TRIB2: variants seen among roughly 807,000 people sequenced by gnomAD.
The protein encoded by TRIB2 is tribbles pseudokinase 2.
A neutral mutation model predicts 26.8 loss-of-function variants in TRIB2; 2 were observed. The ratio of observed to expected loss-of-function variants is 0.07; its 90% CI spans 0.03 to 0.24. The LOEUF is 0.24. Among genes scored for constraint, TRIB2 ranks in the 10% least tolerant of loss-of-function variants. The pLI, the probability that TRIB2 is intolerant of heterozygous loss-of-function variation, is 1.00. For missense variants in TRIB2, 306 were observed against 449.0 expected, an observed-to-expected ratio of 0.68 and a Z score of 2.88; for synonymous variants, 189 against 187.3, an observed-to-expected ratio of 1.01 and a Z score of -0.08.
intron 2 of TRIB2, among the ~76,000 whole-genome samples, chr2:12,729,903 A>G (rs1211324459): frequency 2.0e-5 from 3 of 152,234 alleles, no homozygotes; most frequent in Non-Finnish European, 2.9e-5. Context: ...TAATATGTTA[A>G]GTGCCCAGCA....
intron 2 of TRIB2, among the ~76,000 whole-genome samples, chr2:12,726,487 C>G (rs1263281112): frequency 1.3e-5 from 2 of 152,166 alleles, no homozygotes; most frequent in Non-Finnish European, 2.9e-5. Context: ...CTCATTGGCT[C>G]CATGCTTGCT....
chr2:12,719,193 T>C (rs1217853349), intron 1 of TRIB2, among the ~76,000 whole-genome samples: 1 of 152,060 alleles, frequency 6.6e-6, no homozygotes, highest in Non-Finnish European at 1.5e-5. Flanking sequence ...GAATAGTGAA[T>C]GCTTTGGGTC....
At position 12,723,350 on chromosome 2, in the gene TRIB2, C is replaced by G. The variant is rs765380707; in HGVS notation, c.361C>G (p.Leu121Val). Reference sequence around the variant, plus strand: ...CATCAACCAAATCACTGAAATTATCCTGGGTGAGACCAAAGCCTATGTGTT... The same window carrying G: ...CATCAACCAAATCACTGAAATTATCGTGGGTGAGACCAAAGCCTATGTGTT... ...SNINQITEII[L>V]GETKAYVFFE... The change falls in exon 2 of 3, where the codon CTG becomes GTG. Residue 121 changes from leucine (L) to valine (V), a missense_variant. By Grantham distance (32) the Leu-to-Val change is conservative (BLOSUM62 1). This residue lies in a region of TRIB2 where 118 missense variants were observed against 188.8 expected (regional missense o/e 0.63). Coordinates refer to ENST00000155926, the MANE Select transcript of TRIB2 (RefSeq NM_021643.4). 26 of 1,614,114 alleles carry G rather than the reference C, an allele frequency of 1.6e-5. No homozygotes were observed. The highest frequency in any genetic ancestry group is 1.6e-4 in the Middle Eastern group (1 of 6,084).
At chr2:12,734,387 G>C (rs1661524478) in intron 2 of TRIB2, among the ~76,000 whole-genome samples, 1 of 152,086 alleles carries the variant, frequency 6.6e-6, no homozygotes, top group African/African-American at 2.4e-5. Context: ...GACTGGGCTG[G>C]GCACAGAGCT....
At position 12,723,416 on chromosome 2, in the gene TRIB2, A is replaced by G; in HGVS notation, c.427A>G (p.Thr143Ala). The G allele has an allele frequency of 6.2e-7, 1 of 1,614,218 alleles. No individual in the cohort carries two copies. The highest frequency in any genetic ancestry group is 8.5e-7 in the Non-Finnish European group (1 of 1,180,036). ...SYGDMHSFVR[T>A]CKKLREEEAA... is the part of the protein sequence containing the mutation. Reference sequence around the variant, plus strand: ...TGGGGACATGCATTCCTTCGTCCGCACCTGCAAGAAGCTGAGAGAGGAGGA... The same window carrying G: ...TGGGGACATGCATTCCTTCGTCCGCGCCTGCAAGAAGCTGAGAGAGGAGGA... The change falls in exon 2 of 3, where the codon ACC (threonine) becomes GCC (alanine). Residue 143 changes from threonine (T) to alanine (A), a missense_variant. Thr to Ala is a moderately conservative substitution (Grantham distance 58). Around this residue, in one of 4 missense-constraint regions of TRIB2, gnomAD observed 118 missense variants for 188.8 expected, o/e 0.63. Coordinates refer to ENST00000155926, the MANE Select transcript of TRIB2 (RefSeq NM_021643.4).
intron 2 of TRIB2, among the ~76,000 whole-genome samples, chr2:12,733,566 T>C (rs549656173): frequency 6.6e-6 from 1 of 152,324 alleles, no homozygotes; most frequent in African/African-American, 2.4e-5. Flanking sequence ...ATACTTGTCT[T>C]TTACTTTGTT....
chr2:12,725,585 G>A (rs1234103944), intron 2 of TRIB2, among the ~76,000 whole-genome samples: 1 of 152,216 alleles, frequency 6.6e-6, no homozygotes, highest in African/African-American at 2.4e-5. Context: ...ATCCAGGGAA[G>A]AAGCTTCCAA....
At chr2:12,721,345 C>T (rs1484554030) in intron 1 of TRIB2, among the ~76,000 whole-genome samples, 1 of 152,144 alleles carries the variant, frequency 6.6e-6, no homozygotes, top group African/African-American at 2.4e-5. Context: ...TTTGTAAATG[C>T]ACCTGGAAAC....
intron 2 of TRIB2, among the ~76,000 whole-genome samples, chr2:12,731,076 G>C (rs1377408329): frequency 1.3e-5 from 2 of 152,232 alleles, no homozygotes; most frequent in Non-Finnish European, 2.9e-5. Context: ...ATCAGTACAA[G>C]AGAGTCCTTG....
chr2:12,719,707 C>T (rs1239227215), intron 1 of TRIB2, among the ~76,000 whole-genome samples: 1 of 151,876 alleles, frequency 6.6e-6, no homozygotes, highest in East Asian at 1.9e-4. Context: ...ACTTTGCGGA[C>T]TTGCCTTATT....
At chr2:12,725,536 G>A (rs1661321924) in intron 2 of TRIB2, among the ~76,000 whole-genome samples, 1 of 152,204 alleles carries the variant, frequency 6.6e-6, no homozygotes, top group African/African-American at 2.4e-5. Context: ...TCTCCTTTAT[G>A]AGTGTGTCAT....
At position 12,732,565 on chromosome 2, in the gene TRIB2, C is replaced by T. The variant is rs1356496143; in HGVS notation, c.564-7761C>T. On this transcript the variant is annotated intron_variant, in intron 2 of 2. Coordinates refer to ENST00000155926, the MANE Select transcript of TRIB2 (RefSeq NM_021643.4). The surrounding 1 kb of genome is among the most constrained non-coding windows in gnomAD (Gnocchi z 4.2). The stretch of plus-strand genomic sequence containing the variant: ...TTGAGGTAGGAGTTGGGGTGGTTCA[C>T]TGACTCTCCAAGACTTGGTGCAGAG... Among the ~76,000 whole-genome samples, 1 of 152,214 alleles carries T rather than the reference C, an allele frequency of 6.6e-6. No homozygotes were observed. Among genetic ancestry groups the T allele is most frequent in the Non-Finnish European group, 1.5e-5 (1 of 68,036 alleles).
intron 1 of TRIB2, among the ~76,000 whole-genome samples, chr2:12,722,307 T>C (rs1008630843): frequency 2.0e-5 from 3 of 152,222 alleles, no homozygotes; most frequent in African/African-American, 4.8e-5. Flanking sequence ...CACCCACGCA[T>C]GCCCCTGGCT....
rs202225424 is a variant in TRIB2 at position 12,740,373 on chromosome 2, G to T, written c.611G>T (p.Gly204Val). 1 of 1,614,198 alleles carries T rather than the reference G, an allele frequency of 6.2e-7. No homozygotes were observed. Among genetic ancestry groups the T allele is most frequent in the Non-Finnish European group, 8.5e-7 (1 of 1,180,040 alleles). The change falls in exon 3 of 3, where the codon GGA becomes GTA. Residue 204 changes from glycine (G) to valine (V), a missense_variant. Physicochemically the swap from Gly to Val is moderately radical, Grantham distance 109 (BLOSUM62 -3). Transcript: ENST00000155926. This position sits in a 1 kb window ranked among gnomAD's most constrained non-coding sequence, Gnocchi z 5.8. ...CTGGAAGACGCCTACATTCTGCGGG[G>T]AGATGATGATTCCCTCTCCGACAAG... The part of the protein sequence containing the change: ...ESLEDAYILR[G>V]DDDSLSDKHG...
rs758793068 is a variant in TRIB2 at position 12,723,471 on chromosome 2, C to T, written c.482C>T (p.Ser161Leu). The T allele has an allele frequency of 9.3e-6, 15 of 1,614,208 alleles. No individual in the cohort carries two copies. Among genetic ancestry groups the T allele is most frequent in the South Asian group, 1.1e-5 (1 of 91,084 alleles). The change falls in exon 2 of 3, where the codon TCG becomes TTG. Residue 161 changes from serine (S) to leucine (L), a missense_variant. Coordinates refer to ENST00000155926, the MANE Select transcript of TRIB2 (RefSeq NM_021643.4). ...EAARLFYQIA[S>L]AVAHCHDGGL... ...GCCAGACTGTTCTACCAGATTGCCT[C>T]GGCAGTGGCCCACTGCCATGACGGG...
At chr2:12,738,786 C>A (rs1661643105) in intron 2 of TRIB2, among the ~76,000 whole-genome samples, 1 of 152,178 alleles carries the variant, frequency 6.6e-6, no homozygotes, top group South Asian at 2.1e-4. Context: ...TTGAACAAGT[C>A]ACCGCGCATC....
chr2:12,730,588 T>C (rs1244662982), intron 2 of TRIB2, among the ~76,000 whole-genome samples: 2 of 152,218 alleles, frequency 1.3e-5, no homozygotes, highest in African/African-American at 4.8e-5. Context: ...TGTTGTTCCA[T>C]TCTGTGGGTT....
At chr2:12,729,479 A>G (rs150659305) in intron 2 of TRIB2, among the ~76,000 whole-genome samples, 143 of 152,302 alleles carry the variant, frequency 9.4e-4, no homozygotes, top group African/African-American at 2.2e-3. Flanking sequence ...TACATCCCCT[A>G]TGGAGACACC....
chr2:12,723,607 G>C, intron 2 of TRIB2, 55 bp downstream of exon 2: 1 of 1,553,698 alleles, frequency 6.4e-7, no homozygotes, highest in Non-Finnish European at 8.7e-7. Context: ...CCTAACAACA[G>C]CTTCCTAGAA....
Sources: gnomAD v4.1 joint callset for allele counts (sites outside exome capture counted in the v4.1 genomes callset) on GRCh38, gnomAD v4.1.1 for gene constraint, gnomAD v4.1.1 regional missense constraint, Gnocchi (gnomAD v3.1) non-coding constraint, MANE v1.5 for transcripts, NCBI Gene and HGNC (gene_info 2026-07-23, HGNC 2026-07-21) for gene names.